The following WNT10A variants were observed in gnomAD, a reference collection of about 807,000 sequenced individuals.
WNT10A encodes Wnt family member 10A, also known as protein Wnt-10a.
In WNT10A, 37 loss-of-function variants were observed where a neutral mutation model predicts 36.1. The ratio of observed to expected loss-of-function variants is 1.02; its 90% CI spans 0.79 to 1.35. WNT10A has a LOEUF of 1.35. Among genes scored for constraint, WNT10A ranks in the 40% most tolerant of loss-of-function variants. WNT10A has a pLI of 0.00. For synonymous variants in WNT10A, 255 were observed against 254.1 expected, an observed-to-expected ratio of 1.00 and a Z score of -0.03; for missense variants, 613 against 601.4, an observed-to-expected ratio of 1.02 and a Z score of -0.20.
chr2:218,879,211 G>A (rs1944482181), upstream of WNT10A, among the ~76,000 whole-genome samples: 2 of 152,062 alleles, frequency 1.3e-5, no homozygotes, highest in Admixed American at 1.3e-4. Flanking sequence ...CCCACCACCT[G>A]ACAGTCTGGG....
At chr2:218,880,848 C>G (rs1944503068), upstream of WNT10A, 2 of 908,726 alleles carry the variant, frequency 2.2e-6, no homozygotes, top group Non-Finnish European at 3.1e-6. This position sits in a 1 kb window ranked among gnomAD's most constrained non-coding sequence, Gnocchi z 7.7. Flanking sequence ...GGGAGGCGGG[C>G]GCCGTCTGCT....
In WNT10A at chr2:218,890,345, C is replaced by T. The variant is rs777801883; in HGVS notation, c.738C>T (p.Asn246=). 30 of 1,600,156 alleles carry T rather than the reference C, an allele frequency of 1.9e-5. No homozygotes were observed. The highest frequency in any genetic ancestry group is 6.7e-5 in the Admixed American group (4 of 60,008). Residue 246 remains asparagine (N), a synonymous_variant, in exon 3 of 4, where the codon AAC becomes AAT. Transcript: ENST00000258411. ...TCCACGCGAGAATGAGGCTTCACAA[C>T]AACCGAGTTGGGAGGCAGGTGAGAG... ...RDIHARMRLH[N]NRVGRQAVME...
At chr2:218,892,286 C>T (rs780847556) in intron 3 of WNT10A, among the ~76,000 whole-genome samples, 25 of 147,058 alleles carry the variant, frequency 1.7e-4, no homozygotes, top group Non-Finnish European at 2.1e-4. Context: ...TCACCGAACA[C>T]CCCTCCACCC....
chr2:218,877,613 A>C (rs192798952), upstream of WNT10A, among the ~76,000 whole-genome samples: 107 of 152,304 alleles, frequency 7.0e-4, 1 homozygote, highest in African/African-American at 2.5e-3. The surrounding 1 kb of genome is among the most constrained non-coding windows in gnomAD (Gnocchi z 4.1). Context: ...GAGGCACCCC[A>C]GATGTGTGTG....
At position 218,888,754 on chromosome 2, in the gene WNT10A, C is replaced by T. The variant is rs761304505; in HGVS notation, c.377-1230C>T. 8.5e-5 allele frequency among the ~76,000 whole-genome samples: 13 copies of T among 152,298 alleles called. No individual in the cohort carries two copies. The East Asian group carries it at 2.3e-3, about 27-fold the overall frequency. ...TCCTATGCTGTGCCTAAGATGGGCA[C>T]GCACCCAGCAGGCTATCTTGGGGCA... On this transcript the variant is annotated intron_variant, in intron 2 of 3. Transcript: ENST00000258411.
chr2:218,891,186 G>A (rs1379986625), intron 3 of WNT10A, among the ~76,000 whole-genome samples: 3 of 152,206 alleles, frequency 2.0e-5, no homozygotes, highest in African/African-American at 7.2e-5. Flanking sequence ...TGCAACTAGT[G>A]AGAAGGTGGT....
intron 2 of WNT10A, among the ~76,000 whole-genome samples, chr2:218,886,748 A>G (rs989893869): frequency 6.6e-6 from 1 of 151,834 alleles, no homozygotes. Flanking sequence ...AGCTGGGGCC[A>G]GAACCGAAAC....
intron 2 of WNT10A, among the ~76,000 whole-genome samples, chr2:218,888,378 A>G (rs1333785075): frequency 1.3e-5 from 2 of 152,260 alleles, no homozygotes; most frequent in African/African-American, 4.8e-5. Context: ...TGGAGCACCA[A>G]GAAGGAAGGC....
upstream of WNT10A, among the ~76,000 whole-genome samples, chr2:218,879,795 C>A (rs1944488340): frequency 6.6e-6 from 1 of 152,210 alleles, no homozygotes; most frequent in African/African-American, 2.4e-5. Context: ...CCTCTTTGAG[C>A]CTCGATATTT....
At chr2:218,890,460 C>T in intron 3 of WNT10A, 97 bp downstream of exon 3, 1 of 1,539,082 alleles carries the variant, frequency 6.5e-7, no homozygotes, top group Non-Finnish European at 8.8e-7. Flanking sequence ...GTTGCTCCCA[C>T]ATGTCACACC....
At position 218,882,059 on chromosome 2, in the gene WNT10A, A is replaced by C. The variant is rs1392056221; in HGVS notation, c.114-102A>C. 2.1e-6 allele frequency: 3 copies of C among 1,460,688 alleles called. No homozygotes were observed. The East Asian group carries it at 7.2e-5, about 35-fold the overall frequency. 90.5% of individuals were successfully genotyped at this position (1,460,688 alleles called of 1,614,324 possible). ...CCCAACCTTCAGAAGCAGAGGTTGG[A>C]AGAGGGAGTGATTATGGCCGTTGGG... On this transcript the variant is annotated intron_variant, in intron 1 of 3. Transcript: ENST00000258411.
Position 218,893,010 on chromosome 2 carries a change from C to A in WNT10A, c.993C>A (p.Ala331=), listed in dbSNP as rs1944674510. ...APGAPGPRRR[A]SPADLVYFEK... is the part of the protein sequence containing the mutation. ...GCGCTCCCGGGCCGCGCCGACGGGC[C>A]AGCCCCGCCGACCTGGTCTACTTCG... is the stretch of plus-strand genomic sequence containing the variant. Residue 331 remains alanine, a synonymous_variant, in exon 4 of 4, where the codon GCC becomes GCA. Coordinates refer to ENST00000258411, the MANE Select transcript of WNT10A (RefSeq NM_025216.3). This position sits in a 1 kb window ranked among gnomAD's most constrained non-coding sequence, Gnocchi z 6.3. 1.3e-6 allele frequency: 2 copies of A among 1,578,924 alleles called. No individual in the cohort carries two copies. Among genetic ancestry groups the A allele is most frequent in the Non-Finnish European group, 1.7e-6 (2 of 1,172,040 alleles).
At position 218,881,041 on chromosome 2, in the gene WNT10A, C is replaced by T; in HGVS notation, c.46C>T (p.Pro16Ser). The change falls in exon 1 of 4, where the codon CCC becomes TCC. Residue 16 changes from proline to serine, a missense_variant. By Grantham distance (74) the Pro-to-Ser change is moderately conservative. Coordinates refer to ENST00000258411, the MANE Select transcript of WNT10A (RefSeq NM_025216.3). ...PRPWLRLRPQ[P>S]QPRPALWVLL... ...CCCCTGGCTGCGGCTCCGACCCCAG[C>T]CCCAGCCGCGGCCAGCGCTCTGGGT... 1 of 1,603,094 alleles carries T rather than the reference C, an allele frequency of 6.2e-7. No individual in the cohort carries two copies. The highest frequency in any genetic ancestry group is 1.3e-5 in the African/African-American group (1 of 74,914).
At chr2:218,889,578 T>A (rs1041162070) in intron 2 of WNT10A, among the ~76,000 whole-genome samples, 1 of 152,254 alleles carries the variant, frequency 6.6e-6, no homozygotes, top group Non-Finnish European at 1.5e-5. Flanking sequence ...GCTTAAATGT[T>A]GCCCTCATTC....
At chr2:218,887,221 G>A (rs949756415) in intron 2 of WNT10A, among the ~76,000 whole-genome samples, 1 of 152,114 alleles carries the variant, frequency 6.6e-6, no homozygotes, top group Non-Finnish European at 1.5e-5. Context: ...TAACTTCTGT[G>A]ACCTGTGTTT....
intron 1 of WNT10A, 68 bp downstream of exon 1, chr2:218,881,176 C>A: frequency 1.3e-6 from 2 of 1,547,424 alleles, no homozygotes; most frequent in Non-Finnish European, 1.7e-6. Flanking sequence ...GCCTCTGATG[C>A]TCTTGCTGGG....
the WNT10A span, chr2:218,874,118 A>C: frequency 6.9e-6 from 3 of 433,226 alleles, no homozygotes; most frequent in Non-Finnish European, 1.2e-5. Context: ...AGGAGGAAAC[A>C]GTTTTTTAGA....
intron 2 of WNT10A, among the ~76,000 whole-genome samples, 178 bp from the exon 3 acceptor site, chr2:218,889,806 G>C (rs1462483994): frequency 6.6e-6 from 1 of 152,210 alleles, no homozygotes; most frequent in Non-Finnish European, 1.5e-5. Context: ...ACCAGGTTCT[G>C]TTTGCAGAAG....
At chr2:218,879,139 G>A (rs1944480841), upstream of WNT10A, among the ~76,000 whole-genome samples, 1 of 137,380 alleles carries the variant, frequency 7.3e-6, no homozygotes, top group African/African-American at 2.6e-5. Context: ...GGTGGCTGCC[G>A]GCAGAGATGA....
Sources: gnomAD v4.1 joint callset for allele counts (sites outside exome capture counted in the v4.1 genomes callset) on GRCh38, gnomAD v4.1.1 for gene constraint, Gnocchi (gnomAD v3.1) non-coding constraint, MANE v1.5 for transcripts, NCBI Gene and HGNC (gene_info 2026-07-23, HGNC 2026-07-21) for gene names.